TNNI3K: variants seen among roughly 807,000 people sequenced by gnomAD.
TNNI3K encodes the protein serine/threonine-protein kinase TNNI3K.
TNNI3K carries 140 observed loss-of-function variants against 114.5 expected under a neutral mutation model. That is an observed-to-expected ratio of 1.22 (90% CI 1.07 to 1.41). The LOEUF (loss-of-function observed/expected upper bound fraction) is 1.41, where lower values mean the gene tolerates loss of function less well. Among genes scored for constraint, TNNI3K ranks in the 40% most tolerant of loss-of-function variants. The pLI, the probability that TNNI3K is intolerant of heterozygous loss-of-function variation, is 0.00. For synonymous variants in TNNI3K, 347 were observed against 347.5 expected (o/e 1.00, Z 0.02); for missense variants, 1,125 against 1,007.6 (o/e 1.12, Z -1.58).
chr1:74,510,731 T>TAGCATTGAAAAGTTCATGGAATTA (rs1670144670), intron 23 of TNNI3K, among the ~76,000 whole-genome samples: 1 of 152,234 alleles, frequency 6.6e-6, no homozygotes, highest in Non-Finnish European at 1.5e-5. Flanking sequence ...TAAATATGGC[T>TAGCATTGAAAAGTTCATGGAATTA]AGCATTGAAA....
chr1:74,326,761 T>A (rs576895645), intron 5 of TNNI3K, among the ~76,000 whole-genome samples: 38 of 152,246 alleles, frequency 2.5e-4, no homozygotes, highest in Non-Finnish European at 5.0e-4. Flanking sequence ...AGCTTGGTCA[T>A]GAGACTGGGT....
rs528801015 is a variant in TNNI3K, at chr1:74,388,331, A to G, written c.1772+17939A>G. 3.9e-5 allele frequency among the ~76,000 whole-genome samples: 6 copies of G among 152,284 alleles called. No individual in the cohort carries two copies. In the South Asian group the frequency reaches 1.2e-3, roughly 32 times the overall value. ...CTTCCCACTCTCCTACCCAACAAAT[A>G]TTCTTCCTCTTGATGGCCACAATAT... On this transcript the variant is annotated intron_variant, in intron 17 of 24. Coordinates refer to ENST00000326637, the MANE Select transcript of TNNI3K (RefSeq NM_015978.3).
At chr1:74,379,409 A>G (rs1487672316) in intron 17 of TNNI3K, among the ~76,000 whole-genome samples, 1 of 152,044 alleles carries the variant, frequency 6.6e-6, no homozygotes, top group Non-Finnish European at 1.5e-5. Flanking sequence ...CACTGTATTT[A>G]GAGAACCTTG....
intron 18 of TNNI3K, 127 bp from the exon 19 acceptor site, chr1:74,436,347 C>T (rs1666128797): frequency 4.9e-6 from 6 of 1,236,978 alleles, no homozygotes; most frequent in Admixed American, 6.0e-5. Context: ...TTATCTCCAG[C>T]CAAGAGAAGG....
At chr1:74,462,352 C>T (rs1026482706) in intron 20 of TNNI3K, among the ~76,000 whole-genome samples, 1 of 152,080 alleles carries the variant, frequency 6.6e-6, no homozygotes, top group African/African-American at 2.4e-5. Flanking sequence ...CAGATGCTTA[C>T]AATACCACAA....
intron 23 of TNNI3K, among the ~76,000 whole-genome samples, chr1:74,517,191 T>C (rs1169438213): frequency 6.6e-6 from 1 of 152,000 alleles, no homozygotes; most frequent in African/African-American, 2.4e-5. Context: ...GGGGTAACTC[T>C]TTAAAAAAAA....
intron 6 of TNNI3K, among the ~76,000 whole-genome samples, chr1:74,334,799 C>G (rs1343206737): frequency 6.6e-6 from 1 of 152,154 alleles, no homozygotes; most frequent in Non-Finnish European, 1.5e-5. Flanking sequence ...ATCAAGTCAA[C>G]TACCACTGGC....
At chr1:74,294,505 G>C (rs549195759) in intron 5 of TNNI3K, among the ~76,000 whole-genome samples, 3 of 152,104 alleles carry the variant, frequency 2.0e-5, no homozygotes, top group Non-Finnish European at 4.4e-5. Flanking sequence ...TGTCATGCAA[G>C]TAGCTTAAAA....
In TNNI3K at chr1:74,452,489, A is replaced by G. The variant is rs184073127; in HGVS notation, c.2012-10952A>G. Among the ~76,000 whole-genome samples the G allele has an allele frequency of 3.4e-4, 52 of 151,982 alleles. No homozygotes were observed. In the East Asian group the frequency reaches 9.1e-3, roughly 27 times the overall value. On this transcript the variant is annotated intron_variant, in intron 20 of 24. Transcript: ENST00000326637. Reference sequence around the variant, plus strand: ...TCTTTCTTTTTAAAATTATTTTCCTATTTTCAGTTCTACAGTTTATCTCTG... The same window carrying G: ...TCTTTCTTTTTAAAATTATTTTCCTGTTTTCAGTTCTACAGTTTATCTCTG...
Position 74,542,862 on chromosome 1 carries a change from A to G in TNNI3K, c.2432-1044A>G, listed in dbSNP as rs1219142750. Among the ~76,000 whole-genome samples, 3 of 152,156 alleles carry G rather than the reference A, an allele frequency of 2.0e-5. No homozygotes were observed. The East Asian group carries it at 5.8e-4, about 29-fold the overall frequency. Reference sequence around the variant, plus strand: ...ACATAGCTCTGTGGTTCTCTTGGACAGTGGCCTGATCCTGAGCCACTAGTT... The same window carrying G: ...ACATAGCTCTGTGGTTCTCTTGGACGGTGGCCTGATCCTGAGCCACTAGTT... On this transcript the variant is annotated intron_variant, in intron 24 of 24. Coordinates refer to ENST00000326637, the MANE Select transcript of TNNI3K (RefSeq NM_015978.3).
At chr1:74,316,899 C>A (rs792320) in intron 5 of TNNI3K, among the ~76,000 whole-genome samples, 115 of 150,676 alleles carry the variant, frequency 7.6e-4, no homozygotes, top group African/African-American at 2.7e-3. Context: ...CAGGGTTTCA[C>A]CATGATAGCC....
chr1:74,343,933 G>A (rs1360277190), intron 9 of TNNI3K, among the ~76,000 whole-genome samples: 1 of 152,156 alleles, frequency 6.6e-6, no homozygotes, highest in Non-Finnish European at 1.5e-5. Context: ...TGCTAAAACA[G>A]TAAAAGCATA....
intron 5 of TNNI3K, among the ~76,000 whole-genome samples, chr1:74,281,413 G>A (rs1198454907): frequency 6.6e-6 from 1 of 150,914 alleles, no homozygotes; most frequent in Non-Finnish European, 1.5e-5. Context: ...TAAACTTTAG[G>A]AAAGTTAGCT....
At position 74,250,715 on chromosome 1, in the gene TNNI3K, C is replaced by T. The variant is rs1343968991; in HGVS notation, c.279C>T (p.Arg93=). ...GAACTCTTATGTTGAAAGGGCTCCGCCCATCTCGACTGACAAGAAATGGAT... is the reference window on the plus strand; with the variant it reads ...GAACTCTTATGTTGAAAGGGCTCCGTCCATCTCGACTGACAAGAAATGGAT... The part of the protein sequence containing the change: ...HIRTLMLKGL[R]PSRLTRNGFT... The change falls in exon 4 of 25, where the codon CGC becomes CGT. Residue 93 remains arginine (R), a synonymous_variant. Coordinates refer to ENST00000326637, the MANE Select transcript of TNNI3K (RefSeq NM_015978.3). The T allele has an allele frequency of 6.2e-7, 1 of 1,613,474 alleles. No homozygotes were observed. The highest frequency in any genetic ancestry group is 2.2e-5 in the East Asian group (1 of 44,826).
intron 5 of TNNI3K, among the ~76,000 whole-genome samples, chr1:74,300,134 A>G (rs1168235837): frequency 1.3e-5 from 2 of 152,280 alleles, no homozygotes; most frequent in South Asian, 4.1e-4. Flanking sequence ...ATAATTTTCA[A>G]GAAGCAGAAA....
intron 5 of TNNI3K, among the ~76,000 whole-genome samples, chr1:74,308,239 C>G (rs1369526459): frequency 6.6e-6 from 1 of 152,052 alleles, no homozygotes; most frequent in African/African-American, 2.4e-5. Context: ...GGAACATCCT[C>G]TAAGATTGAC....
rs36063099 is a variant in TNNI3K, at chr1:74,490,050, T to TAA, written c.2181+827_2181+828dup. ...TCAAGAAAAGCAGGATTTTTTTTTC[T>TAA]AAAAAAAAAAAAAAAAAAAAAAAAA... On this transcript the variant is annotated intron_variant, in intron 22 of 24. Coordinates refer to ENST00000326637, the MANE Select transcript of TNNI3K (RefSeq NM_015978.3). Among the ~76,000 whole-genome samples the TAA allele has an allele frequency of 1.7e-3, 75 of 42,866 alleles. 1 individual carries two copies. The highest frequency in any genetic ancestry group is 0.014 in the Middle Eastern group (1 of 72). The allele number at this position is 42,866 out of a possible 152,430, so 28.1% of individuals were successfully genotyped here.
At chr1:74,366,336 A>G (rs754785440) in intron 11 of TNNI3K, among the ~76,000 whole-genome samples, 32 of 152,058 alleles carry the variant, frequency 2.1e-4, no homozygotes, top group Non-Finnish European at 4.3e-4. Context: ...ATAGTATTGA[A>G]GTTTAATTTT....
chr1:74,369,552 G>A lies in TNNI3K; in HGVS notation c.1634G>A (p.Gly545Asp). 1.2e-6 allele frequency: 2 copies of A among 1,610,914 alleles called. No individual in the cohort carries two copies. The highest frequency in any genetic ancestry group is 2.2e-5 in the East Asian group (1 of 44,802). ...FAIVTQYISG[G>D]SLFSLLHEQK... is the part of the protein sequence containing the mutation. ...ATTGTCACTCAATACATATCAGGGG[G>A]TTCTCTGTTCTCCCTCCTTCATGAG... Residue 545 changes from glycine to aspartate, a missense_variant, in exon 16 of 25, where the codon GGT (glycine) becomes GAT (aspartate). By Grantham distance (94) the Gly-to-Asp change is moderately conservative (BLOSUM62 -1). Transcript: ENST00000326637.
Sources: allele counts gnomAD v4.1 joint callset (sites outside exome capture counted in the v4.1 genomes callset), GRCh38; gene constraint gnomAD v4.1.1; transcripts MANE v1.5; gene names NCBI Gene and HGNC (gene_info 2026-07-23, HGNC 2026-07-21).